LINGO2: variants seen among roughly 807,000 people sequenced by gnomAD.
LINGO2 encodes leucine-rich repeat and immunoglobulin-like domain-containing nogo receptor-interacting protein 2.
In LINGO2, 14 loss-of-function variants were observed where a neutral mutation model predicts 30.6. The observed-to-expected ratio is 0.46, with a 90% CI of 0.30 to 0.72. LINGO2 has a LOEUF of 0.72. Among genes scored for constraint, LINGO2 ranks in the 30% least tolerant of loss-of-function variants. The probability of loss-of-function intolerance (pLI) is 0.07; values close to 1 mark genes in which losing one functional copy is unlikely to be tolerated. For missense variants in LINGO2, 729 were observed against 751.7 expected (o/e 0.97, Z 0.35); for synonymous variants, 317 against 288.5 (o/e 1.10, Z -1.00).
the LINGO2 span, among the ~76,000 whole-genome samples, chr9:28,916,195 T>A: frequency 1.3e-5 from 2 of 152,148 alleles, no homozygotes; most frequent in Non-Finnish European, 2.9e-5. Flanking sequence ...TATACCGACA[T>A]GACAGACAGC....
chr9:28,828,784 G>A, the LINGO2 span, among the ~76,000 whole-genome samples: 1 of 152,122 alleles, frequency 6.6e-6, no homozygotes, highest in African/African-American at 2.4e-5. Flanking sequence ...ACCTTCAGAG[G>A]AAGGCAATTT....
chr9:28,834,369 T>A, the LINGO2 span, among the ~76,000 whole-genome samples: 1 of 152,194 alleles, frequency 6.6e-6, no homozygotes, highest in Non-Finnish European at 1.5e-5. Flanking sequence ...TAATGTGAAT[T>A]TCCACATAGA....
At chr9:27,996,659 G>A (rs949633446) in intron 5 of LINGO2, among the ~76,000 whole-genome samples, 11 of 152,160 alleles carry the variant, frequency 7.2e-5, no homozygotes, top group Admixed American at 3.9e-4. Flanking sequence ...GGGTAATACA[G>A]TTAGATAGAA....
the LINGO2 span, among the ~76,000 whole-genome samples, chr9:28,909,624 T>A: frequency 6.6e-6 from 1 of 152,006 alleles, no homozygotes; most frequent in East Asian, 1.9e-4. Context: ...AATATCAAGA[T>A]TCACAAACAT....
At position 28,225,055 on chromosome 9, in the gene LINGO2, A is replaced by G. The variant is rs139454490; in HGVS notation, c.-87+70153T>C. ...CAATACAAGGTGCTGGGAAGACTAGATATCCATATGCACAGGAATAAAACT... is the reference window on the plus strand; with the variant it reads ...CAATACAAGGTGCTGGGAAGACTAGGTATCCATATGCACAGGAATAAAACT... On this transcript the variant is annotated intron_variant, in intron 4 of 5. Coordinates refer to ENST00000379992, the Ensembl canonical transcript of LINGO2. 4.6e-3 allele frequency among the ~76,000 whole-genome samples: 700 copies of G among 152,284 alleles called. 3 individuals are homozygous for G. The highest frequency in any genetic ancestry group is 0.016 in the African/African-American group (669 of 41,556).
At chr9:28,928,169 A>G in the LINGO2 span, among the ~76,000 whole-genome samples, 2 of 152,216 alleles carry the variant, frequency 1.3e-5, no homozygotes, top group Admixed American at 1.3e-4. Context: ...AAACTTAAAA[A>G]AGTATTCTGT....
chr9:28,309,790 T>G (rs13299028), intron 3 of LINGO2, among the ~76,000 whole-genome samples: 52,922 of 151,604 alleles, frequency 0.35, 10,062 homozygotes, highest in Non-Finnish European at 0.43. Context: ...GTAAAATACC[T>G]AAAGAACTCT....
At chr9:28,911,313 T>C in the LINGO2 span, among the ~76,000 whole-genome samples, 1 of 131,832 alleles carries the variant, frequency 7.6e-6, no homozygotes, top group Non-Finnish European at 1.7e-5. Flanking sequence ...AATTTTTCTA[T>C]AAATAAAACT....
the LINGO2 span, among the ~76,000 whole-genome samples, chr9:29,174,946 T>C: frequency 6.6e-6 from 1 of 152,206 alleles, no homozygotes; most frequent in Admixed American, 6.5e-5. Flanking sequence ...TCAGATCTTT[T>C]AGTTCTCTGA....
At chr9:28,189,845 C>T (rs868241079) in intron 4 of LINGO2, among the ~76,000 whole-genome samples, 8 of 152,008 alleles carry the variant, frequency 5.3e-5, no homozygotes, top group Non-Finnish European at 1.0e-4. Flanking sequence ...TCTGTGTGTA[C>T]TGCACATGTG....
At position 27,991,845 on chromosome 9, in the gene LINGO2, TTA is replaced by T. The variant is rs1821413454; in HGVS notation, c.-36+20508_-36+20509del. Among the ~76,000 whole-genome samples, 3 of 152,088 alleles carry T rather than the reference TTA, an allele frequency of 2.0e-5. No individual in the cohort carries two copies. The South Asian group carries it at 6.2e-4, about 31-fold the overall frequency. ...AGAAATAGGCAGTCATATTAAAATA[TTA>T]TATGTTTCAGTACCTGTCACTTTTC... On this transcript the variant is annotated intron_variant, in intron 5 of 5. Transcript: ENST00000379992.
At chr9:28,344,743 T>C (rs913079349) in intron 3 of LINGO2, among the ~76,000 whole-genome samples, 2 of 152,084 alleles carry the variant, frequency 1.3e-5, no homozygotes, top group Non-Finnish European at 2.9e-5. Flanking sequence ...TGAACACAGA[T>C]GGTTTCAGCT....
chr9:29,042,973 AACAT>A, the LINGO2 span, among the ~76,000 whole-genome samples: 2 of 151,922 alleles, frequency 1.3e-5, no homozygotes, highest in Non-Finnish European at 2.9e-5. Context: ...ATAAAAGGCC[AACAT>A]AAGGGATCCT....
chr9:28,912,026 G>A, the LINGO2 span, among the ~76,000 whole-genome samples: 34 of 152,180 alleles, frequency 2.2e-4, no homozygotes, highest in South Asian at 5.8e-3. Context: ...ATTGCAATAT[G>A]AAGAAAAATT....
chr9:28,957,293 T>C, the LINGO2 span, among the ~76,000 whole-genome samples: 1 of 152,162 alleles, frequency 6.6e-6, no homozygotes, highest in Admixed American at 6.5e-5. Context: ...GAAATTAATG[T>C]AGGATTGCAG....
the LINGO2 span, among the ~76,000 whole-genome samples, chr9:28,906,318 G>GT: frequency 2.6e-5 from 4 of 151,390 alleles, no homozygotes; most frequent in Non-Finnish European, 4.4e-5. Flanking sequence ...ACTACAAAAA[G>GT]TAAGTATGTG....
chr9:28,348,594 G>A (rs903912384), intron 3 of LINGO2, among the ~76,000 whole-genome samples: 41 of 152,308 alleles, frequency 2.7e-4, no homozygotes, highest in African/African-American at 8.7e-4. Flanking sequence ...CATTGCCCAG[G>A]CTTGATTAGG....
chr9:28,108,146 C>T (rs1826654344), intron 4 of LINGO2, among the ~76,000 whole-genome samples: 1 of 152,158 alleles, frequency 6.6e-6, no homozygotes, highest in Non-Finnish European at 1.5e-5. Flanking sequence ...TGCCTTTGCA[C>T]TCGATTCCGA....
the LINGO2 span, among the ~76,000 whole-genome samples, chr9:29,142,911 A>G: frequency 6.6e-6 from 1 of 152,008 alleles, no homozygotes; most frequent in Non-Finnish European, 1.5e-5. Context: ...AAGATTACAT[A>G]CACACACAAA....
Sources: allele counts gnomAD v4.1 joint callset (sites outside exome capture counted in the v4.1 genomes callset), GRCh38; gene constraint gnomAD v4.1.1; transcripts MANE v1.5; gene names NCBI Gene and HGNC (gene_info 2026-07-23, HGNC 2026-07-21).